OTOG: variants seen among roughly 807,000 people sequenced by gnomAD.
OTOG encodes otogelin.
A neutral mutation model predicts 313.8 loss-of-function variants in OTOG; 296 were observed. The ratio of observed to expected loss-of-function variants is 0.94; its 90% CI spans 0.86 to 1.04. The LOEUF is 1.04. Among genes scored for constraint, OTOG ranks in the 50% least tolerant of loss-of-function variants. The pLI is 0.00. For missense variants in OTOG, 3,948 were observed against 3,840.1 expected (o/e 1.03, Z -0.74); for synonymous variants, 1,533 against 1,554.9 (o/e 0.99, Z 0.33).
At position 17,629,295 on chromosome 11, in the gene OTOG, G is replaced by A. The variant is rs760275132; in HGVS notation, c.6691G>A (p.Ala2231Thr). The change falls in exon 40 of 56, where the codon GCC (alanine) becomes ACC (threonine). Residue 2231 changes from alanine (A) to threonine (T), a missense_variant. Ala to Thr is a moderately conservative substitution (Grantham distance 58, BLOSUM62 0). Coordinates refer to ENST00000399397, the MANE Select transcript of OTOG (RefSeq NM_001292063.2). ...CGTGGAGGCCAGCAAAACCAGCAAGGCCCAGGGCCATGGCCTGTGCGGTGA... is the reference window on the plus strand; with the variant it reads ...CGTGGAGGCCAGCAAAACCAGCAAGACCCAGGGCCATGGCCTGTGCGGTGA... ...MIVEASKTSK[A>T]QGHGLCGICD... is the part of the protein sequence containing the mutation. 56 of 1,550,422 alleles carry A rather than the reference G, an allele frequency of 3.6e-5. 2 individuals are homozygous for A. The South Asian group carries it at 6.3e-4, about 17-fold the overall frequency.
intron 49 of OTOG, 94 bp from the exon 50 acceptor site, chr11:17,640,651 G>T: frequency 7.6e-7 from 1 of 1,318,030 alleles, no homozygotes; most frequent in Non-Finnish European, 1.0e-6. Context: ...ACCACAGGGA[G>T]GGACTGACGT....
Position 17,569,241 on chromosome 11 carries a change from A to T in OTOG, c.1730A>T (p.Asp577Val). ...CAGGTGACCCTGACCCAGGCAGGGGATGTCCTTCTGTTTGACCAGTACAAG... is the reference window on the plus strand; with the variant it reads ...CAGGTGACCCTGACCCAGGCAGGGGTTGTCCTTCTGTTTGACCAGTACAAG... ...RRQVTLTQAG[D>V]VLLFDQYKII... The change falls in exon 16 of 56, where the codon GAT becomes GTT. Residue 577 changes from aspartate (D) to valine (V), a missense_variant. Physicochemically the swap from Asp to Val is radical, Grantham distance 152 (BLOSUM62 -3). Transcript: ENST00000399397. 1 of 1,550,530 alleles carries T rather than the reference A, an allele frequency of 6.4e-7. No individual in the cohort carries two copies. The highest frequency in any genetic ancestry group is 1.2e-5 in the South Asian group (1 of 84,048).
chr11:17,630,989 C>A (rs1854108158), intron 40 of OTOG, among the ~76,000 whole-genome samples: 1 of 152,218 alleles, frequency 6.6e-6, no homozygotes. Flanking sequence ...ACCCAGAGTC[C>A]TTCCATCTTC....
intron 47 of OTOG, among the ~76,000 whole-genome samples, chr11:17,636,602 G>C (rs1267850175): frequency 6.6e-6 from 1 of 152,204 alleles, no homozygotes; most frequent in Non-Finnish European, 1.5e-5. Flanking sequence ...CTGACCAGGA[G>C]CTTGTTGGCC....
rs748855005 is a variant in OTOG, at chr11:17,557,149, C to T, written c.691C>T (p.Arg231Cys). ...VQLPHVMGSA[R>C]LQQLAGYVIV... ...ACTGCCACATGTCATGGGGAGCGCGCGTCTGCAGCAGCTTGCCGGCTATGT... is the reference window on the plus strand; with the variant it reads ...ACTGCCACATGTCATGGGGAGCGCGTGTCTGCAGCAGCTTGCCGGCTATGT... Residue 231 changes from arginine (R) to cysteine (C), a missense_variant, in exon 8 of 56, where the codon CGT becomes TGT. Physicochemically the swap from Arg to Cys is radical, Grantham distance 180. Transcript: ENST00000399397. 12 of 1,550,334 alleles carry T rather than the reference C, an allele frequency of 7.7e-6. No individual in the cohort carries two copies. Among genetic ancestry groups the T allele is most frequent in the Admixed American group, 3.9e-5 (2 of 50,972 alleles).
intron 23 of OTOG, among the ~76,000 whole-genome samples, chr11:17,584,888 C>A (rs1490242499): frequency 6.6e-6 from 1 of 152,164 alleles, no homozygotes; most frequent in Non-Finnish European, 1.5e-5. Context: ...ATAAATGTTG[C>A]AAATTACATT....
At position 17,547,278 on chromosome 11, in the gene OTOG, C is replaced by A; in HGVS notation, c.-95C>A. 2 of 1,065,822 alleles carry A rather than the reference C, an allele frequency of 1.9e-6. No individual in the cohort carries two copies. The highest frequency in any genetic ancestry group is 1.7e-5 in the African/African-American group (1 of 60,548). The allele number at this position is 1,065,822 out of a possible 1,614,324, so 66.0% of individuals were successfully genotyped here. A position where few individuals can be genotyped will look rare whatever the true frequency, so the allele number is the denominator to read the frequency against. On this transcript the variant is annotated 5_prime_UTR_variant, in exon 1 of 56. An upstream open reading frame in the 5' UTR gains an earlier in-frame stop. Transcript: ENST00000399397. ...TGGGGCATGAGAACAAGAGGGACCT[C>A]GGCTGCGGAGTGGAGGTGTGACCCT...
intron 48 of OTOG, 147 bp downstream of exon 48, chr11:17,638,696 C>T (rs1847905050): frequency 4.6e-6 from 7 of 1,520,436 alleles, no homozygotes; most frequent in South Asian, 1.2e-5. Context: ...AATCACCTTC[C>T]TTCTGCATCC....
At chr11:17,548,065 G>C in intron 2 of OTOG, 78 bp downstream of exon 2, 2 of 1,384,506 alleles carry the variant, frequency 1.4e-6, no homozygotes, top group Non-Finnish European at 1.9e-6. Flanking sequence ...CAGGGCTTTA[G>C]CACTTAGGGT....
intron 23 of OTOG, among the ~76,000 whole-genome samples, chr11:17,580,600 G>A (rs1406333599): frequency 6.6e-6 from 1 of 152,228 alleles, no homozygotes; most frequent in Non-Finnish European, 1.5e-5. Flanking sequence ...GAGCAAGGAG[G>A]GAGTAATGGA....
At chr11:17,578,252 G>T (rs7949599) in intron 22 of OTOG, 121 bp from the exon 23 acceptor site, 1 of 1,404,786 alleles carries the variant, frequency 7.1e-7, no homozygotes, top group African/African-American at 1.5e-5. Context: ...GCCCAGGAGC[G>T]ACCAGGGAGG....
At chr11:17,628,111 G>A (rs563083494) in intron 39 of OTOG, among the ~76,000 whole-genome samples, 17 of 151,530 alleles carry the variant, frequency 1.1e-4, no homozygotes, top group Non-Finnish European at 2.4e-4. Flanking sequence ...TTTTGGATTC[G>A]ATTTGCTCTT....
At position 17,642,111 on chromosome 11, in the gene OTOG, CT is replaced by C. The variant is rs1290759790; in HGVS notation, c.8296-14del. 1 of 1,535,774 alleles carries C rather than the reference CT, an allele frequency of 6.5e-7. No individual in the cohort carries two copies. The highest frequency in any genetic ancestry group is 2.0e-5 in the Admixed American group (1 of 50,354). On this transcript the variant is annotated splice_polypyrimidine_tract_variant and intron_variant, in intron 52 of 55. Transcript: ENST00000399397. The stretch of plus-strand genomic sequence containing the variant: ...ATCTGGCCACAGCTCCCATTACCTA[CT>C]TCTGTGCCCTCCAGCCCGGGGCATC...
chr11:17,601,423 C>T (rs980508672), intron 31 of OTOG, among the ~76,000 whole-genome samples: 3 of 151,376 alleles, frequency 2.0e-5, no homozygotes, highest in African/African-American at 7.3e-5. Context: ...TGGGAAATAA[C>T]ACCACTGCTC....
chr11:17,579,767 C>G (rs1256372067), intron 23 of OTOG, among the ~76,000 whole-genome samples: 1 of 152,156 alleles, frequency 6.6e-6, no homozygotes, highest in Non-Finnish European at 1.5e-5. Context: ...TGTCTGGGGT[C>G]AGGAACCGAG....
chr11:17,582,841 G>A (rs1852703844), intron 23 of OTOG, among the ~76,000 whole-genome samples: 2 of 151,832 alleles, frequency 1.3e-5, no homozygotes, highest in African/African-American at 4.8e-5. Flanking sequence ...AATTTTTTAT[G>A]TATTTTAGAT....
chr11:17,609,237 C>T, intron 35 of OTOG, 28 bp downstream of exon 35: 2 of 1,534,264 alleles, frequency 1.3e-6, no homozygotes, highest in East Asian at 2.4e-5. Flanking sequence ...CTCATCCTTC[C>T]CTCAGATTTC....
At chr11:17,617,932 A>T (rs564322178) in intron 39 of OTOG, among the ~76,000 whole-genome samples, 82 of 144,468 alleles carry the variant, frequency 5.7e-4, no homozygotes, top group African/African-American at 2.0e-3. Context: ...TTTTTTTTTG[A>T]GACAGAGTCT....
At chr11:17,639,949 ATGG>A (rs928367836) in intron 49 of OTOG, among the ~76,000 whole-genome samples, 3 of 129,974 alleles carry the variant, frequency 2.3e-5, no homozygotes, top group African/African-American at 1.0e-4. Context: ...TAATGCAATG[ATGG>A]TGGTGGTGGG....
Sources: gnomAD v4.1 joint callset for allele counts (sites outside exome capture counted in the v4.1 genomes callset) on GRCh38, gnomAD v4.1.1 for gene constraint, MANE v1.5 for transcripts, NCBI Gene and HGNC (gene_info 2026-07-23, HGNC 2026-07-21) for gene names.